The following PPP2R3A variants were observed in gnomAD, a reference collection of about 807,000 sequenced individuals.
PPP2R3A encodes protein phosphatase 2 regulatory subunit B''alpha.
In PPP2R3A, 80 loss-of-function variants were observed where a neutral mutation model predicts 106.9. The ratio of observed to expected loss-of-function variants is 0.75; its 90% CI spans 0.62 to 0.90. The LOEUF (loss-of-function observed/expected upper bound fraction) is 0.90. Among genes scored for constraint, PPP2R3A ranks in the 40% least tolerant of loss-of-function variants. The pLI, the probability that PPP2R3A is intolerant of heterozygous loss-of-function variation, is 0.00. For synonymous variants in PPP2R3A, 483 were observed against 468.3 expected, an observed-to-expected ratio of 1.03 and a Z score of -0.41; for missense variants, 1,386 against 1,350.4, an observed-to-expected ratio of 1.03 and a Z score of -0.41.
intron 1 of PPP2R3A, among the ~76,000 whole-genome samples, chr3:135,989,961 T>C (rs1304936583): frequency 1.3e-5 from 2 of 152,208 alleles, no homozygotes; most frequent in African/African-American, 4.8e-5. Flanking sequence ...AATGTTCACA[T>C]TGATACTACC....
At chr3:136,031,117 C>G (rs987340157) in intron 3 of PPP2R3A, among the ~76,000 whole-genome samples, 4 of 152,154 alleles carry the variant, frequency 2.6e-5, no homozygotes, top group Non-Finnish European at 5.9e-5. Flanking sequence ...TTCACTGCAG[C>G]CATGCCAACA....
At chr3:136,078,219 C>A in intron 6 of PPP2R3A, 148 bp from the exon 7 acceptor site, 1 of 624,494 alleles carries the variant, frequency 1.6e-6, no homozygotes, top group Non-Finnish European at 2.9e-6. Flanking sequence ...TTTAAAAATA[C>A]AGTGCTGATT....
chr3:136,087,250 T>A (rs948885155), intron 8 of PPP2R3A, among the ~76,000 whole-genome samples: 4 of 91,910 alleles, frequency 4.4e-5, no homozygotes, highest in African/African-American at 2.6e-4. Flanking sequence ...GTCGTGTCTC[T>A]CTCTCTCTCT....
At chr3:136,095,635 A>AG (rs1937198952) in intron 10 of PPP2R3A, among the ~76,000 whole-genome samples, 1 of 152,320 alleles carries the variant, frequency 6.6e-6, no homozygotes, top group South Asian at 2.1e-4. Context: ...AGTAGGCTGT[A>AG]GACTCCCTAA....
At chr3:136,066,809 G>A (rs1010586416) in intron 5 of PPP2R3A, among the ~76,000 whole-genome samples, 2 of 151,960 alleles carry the variant, frequency 1.3e-5, no homozygotes, top group African/African-American at 4.8e-5. Flanking sequence ...CTTCCACCAG[G>A]CCCCCATTTG....
rs1933671126 is a variant in PPP2R3A, at chr3:136,002,506, T to A, written c.1008T>A (p.Asp336Glu). The A allele has an allele frequency of 1.9e-6, 3 of 1,613,914 alleles. No individual in the cohort carries two copies. Among genetic ancestry groups the A allele is most frequent in the Non-Finnish European group, 2.5e-6 (3 of 1,179,942 alleles). Residue 336 changes from aspartate to glutamate, a missense_variant, in exon 2 of 14, where the codon GAT becomes GAA. Physicochemically the swap from Asp to Glu is conservative, Grantham distance 45. Coordinates refer to ENST00000264977, the MANE Select transcript of PPP2R3A (RefSeq NM_002718.5). The part of the protein sequence containing the change: ...FGTEQPPKYE[D>E]VVQLSASDSG... ...CTGAACAACCCCCTAAATATGAAGA[T>A]GTTGTCCAGCTCTCAGCTTCTGACT...
intron 12 of PPP2R3A, among the ~76,000 whole-genome samples, chr3:136,103,763 A>T (rs901306685): frequency 1.3e-5 from 2 of 152,198 alleles, no homozygotes; most frequent in African/African-American, 4.8e-5. Context: ...CCAGGATTCC[A>T]TGGTAAGTAG....
In PPP2R3A at chr3:136,087,930, A is replaced by G. The variant is rs756871005; in HGVS notation, c.2836A>G (p.Arg946Gly). ...IERIFSGAVTRGKTIQKEGRM... is the reference protein window; with the variant it reads ...IERIFSGAVTGGKTIQKEGRM... ...AAGGATATTCTCTGGTGCAGTAACA[A>G]GGTAAGAAAACGTTTAATGCTGTGT... The change falls in exon 9 of 14, where the codon AGG (arginine) becomes GGG (glycine). Residue 946 changes from arginine (R) to glycine (G), a missense_variant and splice_region_variant. Arg to Gly is a moderately radical substitution (Grantham distance 125). Coordinates refer to ENST00000264977, the MANE Select transcript of PPP2R3A (RefSeq NM_002718.5). The G allele has an allele frequency of 3.7e-6, 6 of 1,606,536 alleles. No homozygotes were observed. In the East Asian group the frequency reaches 6.7e-5, roughly 18 times the overall value.
At chr3:136,122,753 G>A (rs1938044679) in intron 13 of PPP2R3A, among the ~76,000 whole-genome samples, 1 of 150,926 alleles carries the variant, frequency 6.6e-6, no homozygotes, top group Non-Finnish European at 1.5e-5. Flanking sequence ...TTATGTTACA[G>A]TTAACGAAAA....
chr3:136,123,563 T>C (rs1005378585), intron 13 of PPP2R3A, among the ~76,000 whole-genome samples: 1 of 152,194 alleles, frequency 6.6e-6, no homozygotes, highest in African/African-American at 2.4e-5. Context: ...ATATGACCAA[T>C]ATTTTGTTTT....
intron 4 of PPP2R3A, 52 bp downstream of exon 4, chr3:136,041,014 C>T (rs1935248886): frequency 6.8e-7 from 1 of 1,468,532 alleles, no homozygotes; most frequent in Non-Finnish European, 9.4e-7. Context: ...GTGTGACCCT[C>T]ATGACATGCT....
At chr3:136,128,290 A>G (rs1938263136) in intron 13 of PPP2R3A, among the ~76,000 whole-genome samples, 1 of 152,022 alleles carries the variant, frequency 6.6e-6, no homozygotes, top group South Asian at 2.1e-4. Context: ...AAAGACACAC[A>G]TAGGCTCAAA....
At chr3:136,022,902 A>C in intron 2 of PPP2R3A, 7 of 1,424,200 alleles carry the variant, frequency 4.9e-6, no homozygotes, top group Non-Finnish European at 6.4e-6. Flanking sequence ...CAGGACAAGC[A>C]TAGATTGTGG....
rs181541929 is a variant in PPP2R3A, at chr3:136,043,241, C to T, written c.2366+2279C>T. Among the ~76,000 whole-genome samples, 968 of 152,154 alleles carry T rather than the reference C, an allele frequency of 6.4e-3. 9 individuals carry two copies. The highest frequency in any genetic ancestry group is 0.022 in the African/African-American group (933 of 41,502). ...CTGGGAGGCCAAGGTGGGCAGATCC[C>T]GAGGTCAGGAGATCGAGACCATCCT... is the stretch of plus-strand genomic sequence containing the variant. On this transcript the variant is annotated intron_variant, in intron 4 of 13. Coordinates refer to ENST00000264977, the MANE Select transcript of PPP2R3A (RefSeq NM_002718.5).
intron 3 of PPP2R3A, among the ~76,000 whole-genome samples, chr3:136,039,720 T>C (rs944654676): frequency 8.5e-5 from 13 of 152,182 alleles, no homozygotes; most frequent in African/African-American, 3.1e-4. Flanking sequence ...TACCTCTCCA[T>C]GTGTCCATGG....
chr3:136,070,531 C>T lies in PPP2R3A; in HGVS notation c.2523C>T (p.Phe841=), dbSNP rs1294955994. ...CGTTCCTGAAAGATGCTCCAGAATT[C>T]CACTCCCGCTACATCACCACGGTAG... ...GLTFLKDAPE[F]HSRYITTVIQ... is the part of the protein sequence containing the mutation. Residue 841 remains phenylalanine (F), a synonymous_variant, in exon 6 of 14, where the codon TTC becomes TTT. Coordinates refer to ENST00000264977, the MANE Select transcript of PPP2R3A (RefSeq NM_002718.5). 1 of 1,611,220 alleles carries T rather than the reference C, an allele frequency of 6.2e-7. No homozygotes were observed. The highest frequency in any genetic ancestry group is 1.7e-5 in the Admixed American group (1 of 59,250).
intron 1 of PPP2R3A, among the ~76,000 whole-genome samples, chr3:135,991,219 A>AG (rs1933146645): frequency 1.3e-5 from 2 of 152,116 alleles, no homozygotes; most frequent in African/African-American, 4.8e-5. Context: ...TTTATGTTGA[A>AG]GGGTACCTGG....
chr3:136,115,626 G>A (rs1006597249), intron 13 of PPP2R3A, among the ~76,000 whole-genome samples: 5 of 151,352 alleles, frequency 3.3e-5, no homozygotes, highest in African/African-American at 1.2e-4. Flanking sequence ...TAGCCAAATC[G>A]ACCAAGCAGA....
rs185514935 is a variant in PPP2R3A at position 136,012,847 on chromosome 3, A to T, written c.1995+9354A>T. ...GGGGGCACAGGTGGTATTTGATTACATGGATAAGTTCTTTAGTGGTGATTT... is the reference window on the plus strand; with the variant it reads ...GGGGGCACAGGTGGTATTTGATTACTTGGATAAGTTCTTTAGTGGTGATTT... On this transcript the variant is annotated intron_variant, in intron 2 of 13. Coordinates refer to ENST00000264977, the MANE Select transcript of PPP2R3A (RefSeq NM_002718.5). 3.3e-4 allele frequency among the ~76,000 whole-genome samples: 50 copies of T among 152,262 alleles called. 2 individuals are homozygous for T. The East Asian group carries it at 8.9e-3, about 27-fold the overall frequency.
Sources: allele counts gnomAD v4.1 joint callset (sites outside exome capture counted in the v4.1 genomes callset), GRCh38; gene constraint gnomAD v4.1.1; transcripts MANE v1.5; gene names NCBI Gene and HGNC (gene_info 2026-07-23, HGNC 2026-07-21).